EXOC6B: variants seen among roughly 807,000 people sequenced by gnomAD.
EXOC6B encodes the protein exocyst complex component 6B.
In EXOC6B, 54 loss-of-function variants were observed where a neutral mutation model predicts 113.5. That is an observed-to-expected ratio of 0.48 (90% CI 0.38 to 0.60). The LOEUF (loss-of-function observed/expected upper bound fraction) is 0.60. Ranked by LOEUF, EXOC6B falls within the 20% of genes least tolerant of loss-of-function variation. The probability of loss-of-function intolerance (pLI) is 0.00; values close to 1 mark genes in which losing one functional copy is unlikely to be tolerated. For synonymous variants in EXOC6B, 357 were observed against 339.0 expected (o/e 1.05, Z -0.58); for missense variants, 797 against 977.5 (o/e 0.82, Z 2.46).
chr2:72,352,115 A>T (rs1207833496), intron 19 of EXOC6B, among the ~76,000 whole-genome samples: 2 of 152,196 alleles, frequency 1.3e-5, no homozygotes, highest in Admixed American at 1.3e-4. Context: ...ACCCATTTAC[A>T]TATAACAAAT....
intron 19 of EXOC6B, among the ~76,000 whole-genome samples, chr2:72,355,258 T>C (rs1170890691): frequency 6.6e-6 from 1 of 152,180 alleles, no homozygotes; most frequent in Non-Finnish European, 1.5e-5. Flanking sequence ...TGATTCTCCC[T>C]TGTAAATCTA....
chr2:72,799,239 C>CAAAAA (rs956224881), intron 1 of EXOC6B, among the ~76,000 whole-genome samples: 8 of 41,262 alleles, frequency 1.9e-4, no homozygotes, highest in African/African-American at 3.5e-4. Context: ...GACCCTGTCT[C>CAAAAA]AAAAAAAAAA....
chr2:72,249,067 C>A (rs1171912066), intron 20 of EXOC6B, among the ~76,000 whole-genome samples: 2 of 152,110 alleles, frequency 1.3e-5, no homozygotes, highest in African/African-American at 4.8e-5. Flanking sequence ...AGTTTGAGAC[C>A]AGCCTGGGCA....
chr2:72,515,238 A>C, intron 8 of EXOC6B, 112 bp from the exon 9 acceptor site: 2 of 1,036,472 alleles, frequency 1.9e-6, no homozygotes, highest in Non-Finnish European at 2.8e-6. Flanking sequence ...CACATTTCTC[A>C]AAATCTGCTA....
chr2:72,785,036 T>C (rs1420248656), intron 1 of EXOC6B, among the ~76,000 whole-genome samples: 1 of 152,056 alleles, frequency 6.6e-6, no homozygotes, highest in Non-Finnish European at 1.5e-5. Context: ...ATGGGAGAAA[T>C]TGGCCAAAAC....
chr2:72,687,408 C>T (rs1573624011), intron 6 of EXOC6B, among the ~76,000 whole-genome samples: 1 of 151,952 alleles, frequency 6.6e-6, no homozygotes, highest in Non-Finnish European at 1.5e-5. Flanking sequence ...TAAAGATGGC[C>T]AATCAAACAC....
At chr2:72,537,596 C>T (rs550013889) in intron 8 of EXOC6B, among the ~76,000 whole-genome samples, 58 of 152,186 alleles carry the variant, frequency 3.8e-4, no homozygotes, top group African/African-American at 1.3e-3. Flanking sequence ...CATGCCACTA[C>T]ACTCCCAGCC....
At chr2:72,451,742 T>TC (rs1476528676) in intron 18 of EXOC6B, among the ~76,000 whole-genome samples, 8 of 151,158 alleles carry the variant, frequency 5.3e-5, no homozygotes, top group Admixed American at 5.3e-4. Context: ...AGAGTGGACT[T>TC]CATCTATCAC....
chr2:72,390,647 T>C (rs981581102), intron 18 of EXOC6B, among the ~76,000 whole-genome samples: 2 of 152,212 alleles, frequency 1.3e-5, no homozygotes, highest in Admixed American at 1.3e-4. Context: ...ATCTTTTATG[T>C]AGAGGCCCAA....
rs1166684426 is a variant in EXOC6B, at chr2:72,823,472, AAAAAAACAAAAAAC to A, written c.113+2312_113+2325del. Reference sequence around the variant, plus strand: ...TCAAAGTTTTAAGAAAAAAAAAAAAAAAAAAACAAAAAACAAAAAAAAAGACAGTGGCCAGGCAC... The same window carrying A: ...TCAAAGTTTTAAGAAAAAAAAAAAAAAAAAAAAAAGACAGTGGCCAGGCAC... On this transcript the variant is annotated intron_variant, in intron 1 of 21. Coordinates refer to ENST00000272427, the MANE Select transcript of EXOC6B (RefSeq NM_015189.3). Among the ~76,000 whole-genome samples the A allele has an allele frequency of 2.8e-3, 361 of 126,724 alleles. 38 individuals carry two copies. Among genetic ancestry groups the A allele is most frequent in the African/African-American group, 9.7e-3 (331 of 34,154 alleles). 83.1% of individuals were successfully genotyped at this position (126,724 alleles called of 152,430 possible). A position where few individuals can be genotyped will look rare whatever the true frequency, so the allele number is the denominator to read the frequency against.
At chr2:72,582,900 G>A (rs1705317845) in intron 6 of EXOC6B, among the ~76,000 whole-genome samples, 1 of 152,028 alleles carries the variant, frequency 6.6e-6, no homozygotes, top group Admixed American at 6.6e-5. Flanking sequence ...AATTCAAAAT[G>A]GATTGCAAAG....
At chr2:72,220,747 G>A (rs895833848) in intron 20 of EXOC6B, among the ~76,000 whole-genome samples, 4 of 152,106 alleles carry the variant, frequency 2.6e-5, no homozygotes, top group Admixed American at 1.3e-4. Context: ...AACTGTGCAC[G>A]ATACACTACT....
intron 7 of EXOC6B, among the ~76,000 whole-genome samples, chr2:72,563,141 TAATAACGGATA>T (rs769151241): frequency 9.9e-5 from 15 of 152,152 alleles, no homozygotes; most frequent in African/African-American, 1.2e-4. Flanking sequence ...ATACATTTTT[TAATAACGGATA>T]AATAACGAGC....
At chr2:72,341,306 T>C (rs940201046) in intron 19 of EXOC6B, among the ~76,000 whole-genome samples, 2 of 152,118 alleles carry the variant, frequency 1.3e-5, no homozygotes, top group Non-Finnish European at 2.9e-5. Context: ...TACCACAATT[T>C]TAAAAAGAAT....
At chr2:72,528,449 T>C (rs887074393) in intron 8 of EXOC6B, among the ~76,000 whole-genome samples, 1 of 152,150 alleles carries the variant, frequency 6.6e-6, no homozygotes, top group Non-Finnish European at 1.5e-5. Flanking sequence ...AGCTACATAA[T>C]AAGTCTTGAA....
chr2:72,344,870 T>A (rs1185681317), intron 19 of EXOC6B, among the ~76,000 whole-genome samples: 1 of 151,970 alleles, frequency 6.6e-6, no homozygotes, highest in Admixed American at 6.6e-5. Flanking sequence ...CTGACATCAT[T>A]TTAGCCAGAG....
intron 20 of EXOC6B, among the ~76,000 whole-genome samples, chr2:72,280,592 G>A (rs1685071693): frequency 6.6e-6 from 1 of 152,082 alleles, no homozygotes; most frequent in Non-Finnish European, 1.5e-5. Flanking sequence ...CACTAAACAA[G>A]TTTTGGGGTA....
intron 20 of EXOC6B, among the ~76,000 whole-genome samples, chr2:72,195,236 C>T (rs1242818094): frequency 1.3e-5 from 2 of 152,222 alleles, no homozygotes; most frequent in Non-Finnish European, 2.9e-5. Context: ...AAAATGCCAA[C>T]ACCAAGTATT....
At chr2:72,701,910 C>T (rs1399256848) in intron 6 of EXOC6B, among the ~76,000 whole-genome samples, 2 of 150,828 alleles carry the variant, frequency 1.3e-5, no homozygotes, top group Non-Finnish European at 3.0e-5. Context: ...TGACAAGCCA[C>T]TTGTATTTCT....
Sources: allele counts gnomAD v4.1 joint callset (sites outside exome capture counted in the v4.1 genomes callset), GRCh38; gene constraint gnomAD v4.1.1; transcripts MANE v1.5; gene names NCBI Gene and HGNC (gene_info 2026-07-23, HGNC 2026-07-21).